ST3GAL1: variants seen among roughly 807,000 people sequenced by gnomAD.
The protein encoded by ST3GAL1 is ST3 beta-galactoside alpha-2,3-sialyltransferase 1, also known as CMP-N-acetylneuraminate-beta-galactosamide-alpha-2,3-sialyltransferase 1.
ST3GAL1 carries 16 observed loss-of-function variants against 34.1 expected under a neutral mutation model. The ratio of observed to expected loss-of-function variants is 0.47; its 90% confidence interval spans 0.32 to 0.71. The LOEUF is 0.71. ST3GAL1 is among the 30% of genes least tolerant of loss of function. The pLI, the probability that ST3GAL1 is intolerant of heterozygous loss-of-function variation, is 0.04. For synonymous variants in ST3GAL1, 191 were observed against 184.7 expected, an observed-to-expected ratio of 1.03 and a Z score of -0.28; for missense variants, 353 against 447.4, an observed-to-expected ratio of 0.79 and a Z score of 1.90.
chr8:133,528,257 C>T (rs1325469204), intron 2 of ST3GAL1, among the ~76,000 whole-genome samples: 1 of 152,206 alleles, frequency 6.6e-6, no homozygotes, highest in Non-Finnish European at 1.5e-5. Context: ...CCAGAGACCA[C>T]ACCAAGCCCC....
intron 3 of ST3GAL1, among the ~76,000 whole-genome samples, chr8:133,488,634 C>T (rs1316562343): frequency 2.6e-5 from 4 of 152,196 alleles, no homozygotes; most frequent in African/African-American, 9.6e-5. Flanking sequence ...AGAGCCCTGA[C>T]TGGCAGCCTT....
intron 1 of ST3GAL1, among the ~76,000 whole-genome samples, chr8:133,558,185 C>A (rs1202195422): frequency 1.3e-5 from 2 of 152,220 alleles, no homozygotes; most frequent in African/African-American, 4.8e-5. Context: ...GAGCTCCCTA[C>A]CACAGGTAGT....
At chr8:133,474,938 T>C (rs1184774115) in intron 5 of ST3GAL1, among the ~76,000 whole-genome samples, 3 of 152,200 alleles carry the variant, frequency 2.0e-5, no homozygotes, top group Admixed American at 6.5e-5. Context: ...TAAGGATCTC[T>C]CTCTCTTTTT....
intron 2 of ST3GAL1, among the ~76,000 whole-genome samples, chr8:133,531,868 C>T (rs924701382): frequency 6.1e-5 from 9 of 146,714 alleles, no homozygotes; most frequent in African/African-American, 2.3e-4. Context: ...TACTGCGGTT[C>T]GTAAAACTAC....
chr8:133,475,837 T>C lies in ST3GAL1; in HGVS notation c.188A>G (p.His63Arg). Residue 63 changes from histidine (H) to arginine (R), a missense_variant, in exon 5 of 10, where the codon CAC becomes CGC. His to Arg is a conservative substitution (Grantham distance 29). Coordinates refer to ENST00000522652, the MANE Select transcript of ST3GAL1 (RefSeq NM_173344.3). ...CGAGAGCTTGCGCTGCCCGATGCAGTGGGTGCAGGTGCAAGGCCTGTGCTT... is the reference window on the plus strand; with the variant it reads ...CGAGAGCTTGCGCTGCCCGATGCAGCGGGTGCAGGTGCAAGGCCTGTGCTT... ...LIKHRPCTCT[H>R]CIGQRKLSAW... The C allele has an allele frequency of 2.5e-6, 4 of 1,614,006 alleles. No individual in the cohort carries two copies. The highest frequency in any genetic ancestry group is 2.7e-5 in the African/African-American group (2 of 74,988).
In ST3GAL1 at chr8:133,476,027, T is replaced by G; in HGVS notation, c.-3A>C. Reference sequence around the variant, plus strand: ...GTCCTCTTCCGCAGGGTCACCATCTTCGCAGTCCTGATGGTGGCCTCCCAC... The same window carrying G: ...GTCCTCTTCCGCAGGGTCACCATCTGCGCAGTCCTGATGGTGGCCTCCCAC... On this transcript the variant is annotated 5_prime_UTR_variant, in exon 5 of 10. Transcript: ENST00000522652. The G allele has an allele frequency of 6.4e-7, 1 of 1,572,412 alleles. No individual in the cohort carries two copies. The highest frequency in any genetic ancestry group is 8.6e-7 in the Non-Finnish European group (1 of 1,157,148).
rs751931334 is a variant in ST3GAL1, at chr8:133,459,855, C to A, written c.932G>T (p.Arg311Leu). Reference protein sequence around the residue: ...WENNPSAGAFRKTGVHDADFE... With the variant: ...WENNPSAGAFLKTGVHDADFE... The stretch of plus-strand genomic sequence containing the variant: ...GTCTGCATCGTGCACCCCCGTCTTG[C>A]GAAAAGCCCCCGCGGATGGGTTGTT... Residue 311 changes from arginine to leucine, a missense_variant, in exon 10 of 10, where the codon CGC becomes CTC. Coordinates refer to ENST00000522652, the MANE Select transcript of ST3GAL1 (RefSeq NM_173344.3). This position sits in a 1 kb window ranked among gnomAD's most constrained non-coding sequence, Gnocchi z 4.7. 1 of 1,614,032 alleles carries A rather than the reference C, an allele frequency of 6.2e-7. No homozygotes were observed.
intron 2 of ST3GAL1, among the ~76,000 whole-genome samples, chr8:133,527,769 C>T (rs1818020048): frequency 1.3e-5 from 2 of 152,222 alleles, no homozygotes; most frequent in South Asian, 4.1e-4. Flanking sequence ...CGGTCCCAGA[C>T]TGCAAGGTCT....
chr8:133,567,215 G>C (rs886706328), intron 1 of ST3GAL1: 16 of 152,122 alleles, frequency 1.1e-4, no homozygotes, highest in African/African-American at 3.9e-4. Context: ...AGCCTGACAG[G>C]GTATGTCCTT....
intron 3 of ST3GAL1, among the ~76,000 whole-genome samples, chr8:133,489,062 G>A (rs1158048167): frequency 6.6e-6 from 1 of 152,126 alleles, no homozygotes. Flanking sequence ...CCACACATTA[G>A]CTGTGTCCTG....
intron 5 of ST3GAL1, among the ~76,000 whole-genome samples, chr8:133,474,649 A>G (rs575973914): frequency 1.3e-5 from 2 of 152,004 alleles, no homozygotes; most frequent in East Asian, 1.9e-4. Flanking sequence ...TCTACTCCCC[A>G]TTACATCCAG....
chr8:133,562,366 T>A (rs1281527244), intron 1 of ST3GAL1, among the ~76,000 whole-genome samples: 1 of 151,848 alleles, frequency 6.6e-6, no homozygotes, highest in African/African-American at 2.4e-5. Flanking sequence ...CACACCATCA[T>A]GTCCAGATAA....
chr8:133,532,343 G>T (rs1818180185), intron 2 of ST3GAL1, among the ~76,000 whole-genome samples: 1 of 151,972 alleles, frequency 6.6e-6, no homozygotes, highest in South Asian at 2.1e-4. Context: ...GCAGTGGCAT[G>T]CACCTGTAAT....
chr8:133,484,253 G>A (rs1202425878), intron 3 of ST3GAL1, among the ~76,000 whole-genome samples: 2 of 152,150 alleles, frequency 1.3e-5, no homozygotes, highest in South Asian at 2.1e-4. Context: ...ATCAGGCTCA[G>A]GGCCTGCACC....
At chr8:133,557,095 C>T (rs1487320754) in intron 1 of ST3GAL1, among the ~76,000 whole-genome samples, 7 of 152,162 alleles carry the variant, frequency 4.6e-5, no homozygotes. Flanking sequence ...ACACTGATAG[C>T]ACTAGCAAGC....
rs899866239 is a variant in ST3GAL1 at position 133,467,876 on chromosome 8, T to C, written c.307-1786A>G. ...AGTTAAACCCAGGCAGCCTCTCCTC[T>C]GGCTTAAGACCGTTAGACACGTCAT... On this transcript the variant is annotated intron_variant, in intron 5 of 9. Transcript: ENST00000522652. The surrounding 1 kb of genome is among the most constrained non-coding windows in gnomAD (Gnocchi z 4.2). Among the ~76,000 whole-genome samples, 1 of 152,208 alleles carries C rather than the reference T, an allele frequency of 6.6e-6. No individual in the cohort carries two copies. Among genetic ancestry groups the C allele is most frequent in the Non-Finnish European group, 1.5e-5 (1 of 68,032 alleles).
At chr8:133,561,729 G>A (rs1042110744) in intron 1 of ST3GAL1, among the ~76,000 whole-genome samples, 3 of 152,122 alleles carry the variant, frequency 2.0e-5, no homozygotes, top group Non-Finnish European at 4.4e-5. Flanking sequence ...GGGGTGCTGG[G>A]AATGAAGCGA....
intron 1 of ST3GAL1, among the ~76,000 whole-genome samples, chr8:133,546,263 G>A (rs950467100): frequency 6.6e-6 from 1 of 151,936 alleles, no homozygotes; most frequent in Admixed American, 6.6e-5. Context: ...CAGGCAGATC[G>A]CTTGAGGTCA....
intron 2 of ST3GAL1, among the ~76,000 whole-genome samples, chr8:133,534,143 T>C (rs1026376838): frequency 6.6e-6 from 1 of 152,168 alleles, no homozygotes; most frequent in African/African-American, 2.4e-5. Context: ...AATTCCATTC[T>C]ATTCAACCAA....
Sources: gnomAD v4.1 joint callset for allele counts (sites outside exome capture counted in the v4.1 genomes callset) on GRCh38, gnomAD v4.1.1 for gene constraint, Gnocchi (gnomAD v3.1) non-coding constraint, MANE v1.5 for transcripts, NCBI Gene and HGNC (gene_info 2026-07-23, HGNC 2026-07-21) for gene names.